Variants in HTR2B observed in about 807,000 individuals in gnomAD.
HTR2B encodes 5-hydroxytryptamine receptor 2B, also known as 5-HT 2B receptor.
A neutral mutation model predicts 39.8 loss-of-function variants in HTR2B; 31 were observed. The ratio of observed to expected loss-of-function variants is 0.78; its 90% confidence interval spans 0.58 to 1.05. HTR2B has a LOEUF of 1.05. Ranked by LOEUF, HTR2B falls within the 50% of genes least tolerant of loss-of-function variation. The probability of loss-of-function intolerance (pLI) is 0.00; values close to 1 mark genes in which losing one functional copy is unlikely to be tolerated. For missense variants in HTR2B, 562 were observed against 578.0 expected, an observed-to-expected ratio of 0.97 and a Z score of 0.28; for synonymous variants, 210 against 207.1, an observed-to-expected ratio of 1.01 and a Z score of -0.12.
chr2:231,113,568 C>T (rs1380244797), intron 3 of HTR2B, among the ~76,000 whole-genome samples, 161 bp downstream of exon 3: 2 of 152,194 alleles, frequency 1.3e-5, no homozygotes, highest in East Asian at 1.9e-4. Context: ...TTTTAGAAGG[C>T]GTATGATAAA....
intron 3 of HTR2B, among the ~76,000 whole-genome samples, chr2:231,110,288 C>G (rs533173161): frequency 6.6e-6 from 1 of 152,260 alleles, no homozygotes; most frequent in East Asian, 1.9e-4. Context: ...CCACTGCCCT[C>G]CACGCTCAGC....
rs776201199 is a variant in HTR2B at position 231,123,495 on chromosome 2, A to G, written c.270T>C (p.Asn90=). The G allele has an allele frequency of 3.6e-5, 58 of 1,614,002 alleles. No individual in the cohort carries two copies. The highest frequency in any genetic ancestry group is 4.8e-5 in the Non-Finnish European group (57 of 1,179,956). The change falls in exon 2 of 4, where the codon AAT becomes AAC. Residue 90 remains asparagine (N), a synonymous_variant. Coordinates refer to ENST00000258400, the MANE Select transcript of HTR2B (RefSeq NM_000867.5). Reference sequence around the variant, plus strand: ...CCACCGCCAAGGACATTAGAAAGTAATTAGTAGCATACTGCAGCTTCTTCT... The same window carrying G: ...CCACCGCCAAGGACATTAGAAAGTAGTTAGTAGCATACTGCAGCTTCTTCT... ...SLEKKLQYAT[N]YFLMSLAVAD... is the part of the protein sequence containing the mutation.
In HTR2B at chr2:231,109,118, G is replaced by T; in HGVS notation, c.845C>A (p.Ala282Glu). 1 of 1,614,100 alleles carries T rather than the reference G, an allele frequency of 6.2e-7. No individual in the cohort carries two copies. The change falls in exon 4 of 4, where the codon GCA (alanine) becomes GAA (glutamate). Residue 282 changes from alanine to glutamate, a missense_variant. Physicochemically the swap from Ala to Glu is moderately radical, Grantham distance 107. Transcript: ENST00000258400. Reference sequence around the variant, plus strand: ...GTCCTTTCGAGAACCATCCAGCATTGCCACCTTTTCCGGTGACGAGCAAGG... The same window carrying T: ...GTCCTTTCGAGAACCATCCAGCATTTCCACCTTTTCCGGTGACGAGCAAGG... ...ETPCSSPEKVAMLDGSRKDKA... is the reference protein window; with the variant it reads ...ETPCSSPEKVEMLDGSRKDKA...
intron 2 of HTR2B, among the ~76,000 whole-genome samples, chr2:231,122,503 A>G (rs768707953): frequency 6.6e-6 from 1 of 152,172 alleles, no homozygotes; most frequent in African/African-American, 2.4e-5. Context: ...TAGGCAGTTT[A>G]TGAATGGAAT....
chr2:231,123,404 A>T lies in HTR2B; in HGVS notation c.352+9T>A, dbSNP rs1442657593. The T allele has an allele frequency of 6.3e-7, 1 of 1,598,020 alleles. No homozygotes were observed. The highest frequency in any genetic ancestry group is 8.6e-7 in the Non-Finnish European group (1 of 1,165,482). The stretch of plus-strand genomic sequence containing the variant: ...TGGTTTGATGGCACAAACAAAGTGA[A>T]ATACTTACCAAACATTATTGTCAAG... On this transcript the variant is annotated intron_variant, in intron 2 of 3. Coordinates refer to ENST00000258400, the MANE Select transcript of HTR2B (RefSeq NM_000867.5).
chr2:231,111,890 G>A lies in HTR2B; in HGVS notation c.553+1839C>T, dbSNP rs575391265. Among the ~76,000 whole-genome samples, 12 of 151,950 alleles carry A rather than the reference G, an allele frequency of 7.9e-5. No homozygotes were observed. The South Asian group carries it at 1.0e-3, about 13-fold the overall frequency. Reference sequence around the variant, plus strand: ...GTTAGTGTAATTTGTTTATATGTCCGCCTTTCTTGAATGCAAAGATTCTTT... The same window carrying A: ...GTTAGTGTAATTTGTTTATATGTCCACCTTTCTTGAATGCAAAGATTCTTT... On this transcript the variant is annotated intron_variant, in intron 3 of 3. Transcript: ENST00000258400.
chr2:231,110,321 A>G (rs549247726), intron 3 of HTR2B, among the ~76,000 whole-genome samples: 4 of 152,056 alleles, frequency 2.6e-5, no homozygotes, highest in Non-Finnish European at 5.9e-5. Context: ...CTCTGTCTCA[A>G]AAAAAAAGTT....
In HTR2B at chr2:231,123,613, C is replaced by T. The variant is rs61731726; in HGVS notation, c.152G>A (p.Gly51Glu). The change falls in exon 2 of 4, where the codon GGA becomes GAA. Residue 51 changes from glycine to glutamate, a missense_variant. Physicochemically the swap from Gly to Glu is moderately conservative, Grantham distance 98. Coordinates refer to ENST00000258400, the MANE Select transcript of HTR2B (RefSeq NM_000867.5). ...AAGAGCTGCCCAGTGCAGTTTATTTCCCTGTTCCTCAACAATCTGTTTCAT... is the reference window on the plus strand; with the variant it reads ...AAGAGCTGCCCAGTGCAGTTTATTTTCCTGTTCCTCAACAATCTGTTTCAT... ...EEMKQIVEEQ[G>E]NKLHWAALLI... The T allele has an allele frequency of 4.1e-3, 6,694 of 1,614,040 alleles. 257 individuals are homozygous for T. The African/African-American group carries it at 0.079, about 19-fold the overall frequency.
In HTR2B at chr2:231,123,484, A is replaced by G. The variant is rs766042968; in HGVS notation, c.281T>C (p.Met94Thr). 9 of 1,613,978 alleles carry G rather than the reference A, an allele frequency of 5.6e-6. No individual in the cohort carries two copies. The East Asian group carries it at 1.1e-4, about 20-fold the overall frequency. ...CAGCAAATCAGCCACCGCCAAGGAC[A>G]TTAGAAAGTAATTAGTAGCATACTG... Reference protein sequence around the residue: ...KLQYATNYFLMSLAVADLLVG... With the variant: ...KLQYATNYFLTSLAVADLLVG... Residue 94 changes from methionine to threonine, a missense_variant, in exon 2 of 4, where the codon ATG (methionine) becomes ACG (threonine). By Grantham distance (81) the Met-to-Thr change is moderately conservative (BLOSUM62 -1). Transcript: ENST00000258400.
chr2:231,109,452 C>T, intron 3 of HTR2B, 43 bp from the exon 4 acceptor site: 1 of 1,518,850 alleles, frequency 6.6e-7, no homozygotes, highest in Non-Finnish European at 9.1e-7. Flanking sequence ...ATTTTATGAC[C>T]TGTAACTCTT....
Position 231,108,667 on chromosome 2 carries a change from T to C in HTR2B, c.1296A>G (p.Gly432=), listed in dbSNP as rs779947369. ...AENSKFFKKH[G]IRNGINPAMY... The stretch of plus-strand genomic sequence containing the variant: ...TGGCAGGGTTAATCCCATTTCGAAT[T>C]CCATGTTTCTTGAAAAACTTAGAGT... Residue 432 remains glycine, a synonymous_variant, in exon 4 of 4, where the codon GGA becomes GGG. Coordinates refer to ENST00000258400, the MANE Select transcript of HTR2B (RefSeq NM_000867.5). 2 of 1,614,140 alleles carry C rather than the reference T, an allele frequency of 1.2e-6. No homozygotes were observed. Among genetic ancestry groups the C allele is most frequent in the Non-Finnish European group, 1.7e-6 (2 of 1,180,024 alleles).
rs1415188385 is a variant in HTR2B, at chr2:231,120,148, C to T, written c.352+3265G>A. ...TGTATTTTTAGTAGGGACAGGGTTT[C>T]GCCATCTTGGCCAGGCTGGTCTCGA... On this transcript the variant is annotated intron_variant, in intron 2 of 3. Transcript: ENST00000258400. Among the ~76,000 whole-genome samples, 4 of 152,042 alleles carry T rather than the reference C, an allele frequency of 2.6e-5. 1 individual carries two copies. The highest frequency in any genetic ancestry group is 3.9e-4 in the East Asian group (2 of 5,152).
intron 3 of HTR2B, among the ~76,000 whole-genome samples, chr2:231,112,211 G>A (rs1188471003): frequency 6.6e-6 from 1 of 151,932 alleles, no homozygotes; most frequent in Non-Finnish European, 1.5e-5. Flanking sequence ...CTTACCAAAT[G>A]TGAGTCATCT....
At chr2:231,121,223 G>A (rs900470001) in intron 2 of HTR2B, among the ~76,000 whole-genome samples, 3 of 152,002 alleles carry the variant, frequency 2.0e-5, no homozygotes, top group Admixed American at 6.6e-5. Flanking sequence ...ATTTTATTTT[G>A]TAATTAGAAA....
In HTR2B at chr2:231,108,762, C is replaced by G. The variant is rs865839831; in HGVS notation, c.1201G>C (p.Ala401Pro). 4.3e-6 allele frequency: 7 copies of G among 1,614,070 alleles called. No individual in the cohort carries two copies. In the Middle Eastern group the frequency reaches 9.9e-4, roughly 228 times the overall value. Residue 401 changes from alanine to proline, a missense_variant, in exon 4 of 4, where the codon GCC (alanine) becomes CCC (proline). Ala to Pro is a conservative substitution (Grantham distance 27). Transcript: ENST00000258400. ...CTGAGAGTTTTTACTGACTTTGTGG[C>G]CCGGTAATTGCAGGTGATATATCGG... The part of the protein sequence containing the change: ...FGRYITCNYR[A>P]TKSVKTLRKR...
intron 3 of HTR2B, 148 bp downstream of exon 3, chr2:231,113,581 C>T (rs865954739): frequency 7.9e-6 from 6 of 761,540 alleles, no homozygotes; most frequent in Middle Eastern, 7.4e-4. Context: ...ATGATAAATG[C>T]AGTGACATAA....
At position 231,123,956 on chromosome 2, in the gene HTR2B, G is replaced by T; in HGVS notation, c.-192C>A. On this transcript the variant is annotated 5_prime_UTR_variant, in exon 2 of 4. Transcript: ENST00000258400. ...ATACACACATCTGTCCATGTTTGTA[G>T]GTAAGATATCCAAGTATTTATTATT... The T allele has an allele frequency of 1.7e-6, 1 of 594,530 alleles. No homozygotes were observed. The highest frequency in any genetic ancestry group is 2.9e-5 in the East Asian group (1 of 34,672). The allele number at this position is 594,530 out of a possible 1,614,324, so 36.8% of individuals were successfully genotyped here. A position where few individuals can be genotyped will look rare whatever the true frequency, so the allele number is the denominator to read the frequency against.
At chr2:231,120,162 G>T (rs1453972357) in intron 2 of HTR2B, among the ~76,000 whole-genome samples, 1 of 152,044 alleles carries the variant, frequency 6.6e-6, no homozygotes, top group East Asian at 1.9e-4. Flanking sequence ...ATCTTGGCCA[G>T]GCTGGTCTCG....
intron 1 of HTR2B, among the ~76,000 whole-genome samples, chr2:231,124,506 A>G (rs776074065): frequency 5.9e-5 from 9 of 152,064 alleles, no homozygotes; most frequent in Non-Finnish European, 1.3e-4. Context: ...AGGGATCCTT[A>G]TATGTAATTA....
Sources: allele counts gnomAD v4.1 joint callset (sites outside exome capture counted in the v4.1 genomes callset), GRCh38; gene constraint gnomAD v4.1.1; transcripts MANE v1.5; gene names NCBI Gene and HGNC (gene_info 2026-07-23, HGNC 2026-07-21).